Variants in LAMA2 observed in about 807,000 individuals in gnomAD.
The protein encoded by LAMA2 is laminin subunit alpha 2, also known as laminin subunit alpha-2.
LAMA2 carries 269 observed loss-of-function variants against 364.8 expected under a neutral mutation model. That is an observed-to-expected ratio of 0.74 (90% CI 0.67 to 0.82). LAMA2 has a LOEUF of 0.82. LAMA2 is among the 40% of genes least tolerant of loss of function. The pLI is 0.00. For missense variants in LAMA2, 3,807 were observed against 3,873.2 expected (o/e 0.98, Z 0.45); for synonymous variants, 1,379 against 1,370.6 (o/e 1.01, Z -0.14).
intron 34 of LAMA2, among the ~76,000 whole-genome samples, chr6:129,373,977 G>C (rs1190359606): frequency 2.0e-5 from 3 of 152,072 alleles, no homozygotes; most frequent in African/African-American, 7.2e-5. Flanking sequence ...CCATTCTTCA[G>C]ATTCAGTAAC....
At chr6:129,009,601 T>A (rs1784644951) in intron 1 of LAMA2, among the ~76,000 whole-genome samples, 1 of 152,238 alleles carries the variant, frequency 6.6e-6, no homozygotes, top group Non-Finnish European at 1.5e-5. Flanking sequence ...AGGAAAAGAC[T>A]ATGAATGTAG....
At chr6:129,354,726 G>T (rs1777055428) in intron 32 of LAMA2, among the ~76,000 whole-genome samples, 1 of 152,008 alleles carries the variant, frequency 6.6e-6, no homozygotes, top group African/African-American at 2.4e-5. Context: ...TAAAATCTGG[G>T]GTAGATAATA....
chr6:129,104,357 T>G (rs1775702139), intron 4 of LAMA2, among the ~76,000 whole-genome samples: 1 of 152,224 alleles, frequency 6.6e-6, no homozygotes, highest in Non-Finnish European at 1.5e-5. Flanking sequence ...GAAATAAACA[T>G]GTCTCAATTG....
At chr6:129,033,648 C>A (rs1023225857) in intron 1 of LAMA2, among the ~76,000 whole-genome samples, 1 of 152,094 alleles carries the variant, frequency 6.6e-6, no homozygotes, top group Non-Finnish European at 1.5e-5. Context: ...AACTGTTTTG[C>A]ACTTCCTCTC....
At chr6:129,076,513 A>T (rs12526526) in intron 3 of LAMA2, among the ~76,000 whole-genome samples, 6 of 142,704 alleles carry the variant, frequency 4.2e-5, no homozygotes, top group African/African-American at 1.0e-4. Flanking sequence ...ATATATATAT[A>T]ATATATATAA....
At chr6:129,293,219 C>T (rs1789842934) in intron 20 of LAMA2, among the ~76,000 whole-genome samples, 1 of 152,146 alleles carries the variant, frequency 6.6e-6, no homozygotes, top group Non-Finnish European at 1.5e-5. Flanking sequence ...GAACCCTTGC[C>T]CTTTTAAAAA....
At chr6:129,265,731 G>A (rs545035554) in intron 15 of LAMA2, among the ~76,000 whole-genome samples, 1 of 151,976 alleles carries the variant, frequency 6.6e-6, no homozygotes, top group Admixed American at 6.6e-5. Flanking sequence ...GGGGGGCTAG[G>A]GGAAGGATAG....
At chr6:129,161,091 T>C (rs1562287339) in intron 8 of LAMA2, among the ~76,000 whole-genome samples, 2 of 152,092 alleles carry the variant, frequency 1.3e-5, no homozygotes, top group Non-Finnish European at 1.5e-5. Flanking sequence ...ATATTTTGAA[T>C]CTTTAGATTT....
intron 4 of LAMA2, among the ~76,000 whole-genome samples, chr6:129,099,546 G>A (rs68014645): frequency 0.048 from 7,312 of 152,022 alleles, 266 homozygotes; most frequent in African/African-American, 0.1. Context: ...ACTCATGTCT[G>A]ATATTCTCTC....
At chr6:129,247,884 C>A (rs1437985441) in intron 12 of LAMA2, among the ~76,000 whole-genome samples, 1 of 152,198 alleles carries the variant, frequency 6.6e-6, no homozygotes, top group Non-Finnish European at 1.5e-5. Context: ...CGCTGACCTG[C>A]ATGAGGAGCC....
At chr6:129,322,329 T>C (rs1562458050) in intron 28 of LAMA2, among the ~76,000 whole-genome samples, 1 of 152,220 alleles carries the variant, frequency 6.6e-6, no homozygotes, top group Non-Finnish European at 1.5e-5. Context: ...AATATACATA[T>C]GTACACATAG....
At chr6:128,955,826 A>G (rs1025726243) in intron 1 of LAMA2, among the ~76,000 whole-genome samples, 7 of 151,998 alleles carry the variant, frequency 4.6e-5, no homozygotes, top group African/African-American at 1.7e-4. Context: ...ATCATTGTAA[A>G]AACATTTTAA....
chr6:129,259,846 G>A (rs1008743638), intron 14 of LAMA2, among the ~76,000 whole-genome samples: 2 of 151,988 alleles, frequency 1.3e-5, no homozygotes, highest in African/African-American at 4.8e-5. Flanking sequence ...ATCAGAGACA[G>A]GATATAAATC....
At chr6:129,085,699 T>C (rs1198790488) in intron 3 of LAMA2, among the ~76,000 whole-genome samples, 1 of 152,160 alleles carries the variant, frequency 6.6e-6, no homozygotes, top group Admixed American at 6.5e-5. Flanking sequence ...ACGGGTCCTT[T>C]TGAGCTTCAG....
chr6:129,207,021 A>G (rs1782721286), intron 12 of LAMA2, among the ~76,000 whole-genome samples: 2 of 152,252 alleles, frequency 1.3e-5, no homozygotes, highest in Admixed American at 1.3e-4. Flanking sequence ...AAGCCTGAGT[A>G]CACACTTCAG....
chr6:129,167,246 G>A (rs1358659932), intron 9 of LAMA2, among the ~76,000 whole-genome samples: 1 of 151,262 alleles, frequency 6.6e-6, no homozygotes, highest in Non-Finnish European at 1.5e-5. Context: ...GTGCCATGCT[G>A]GTGCACTGCA....
chr6:128,988,444 G>A (rs1356025147), intron 1 of LAMA2, among the ~76,000 whole-genome samples: 1 of 152,132 alleles, frequency 6.6e-6, no homozygotes, highest in Non-Finnish European at 1.5e-5. Flanking sequence ...ATGGGCAAAT[G>A]TTTTACTAAG....
chr6:129,447,492 G>A (rs1420097788), intron 45 of LAMA2, among the ~76,000 whole-genome samples: 1 of 152,220 alleles, frequency 6.6e-6, no homozygotes. Flanking sequence ...TTTGCCCAGA[G>A]TAATTGATAA....
chr6:129,466,114 T>A (rs1783528426), intron 51 of LAMA2, among the ~76,000 whole-genome samples: 1 of 151,968 alleles, frequency 6.6e-6, no homozygotes, highest in South Asian at 2.1e-4. Flanking sequence ...CTTTCATTTC[T>A]GCATTTAATA....
Sources: allele counts gnomAD v4.1 joint callset (sites outside exome capture counted in the v4.1 genomes callset), GRCh38; gene constraint gnomAD v4.1.1; transcripts MANE v1.5; gene names NCBI Gene and HGNC (gene_info 2026-07-23, HGNC 2026-07-21).